LRRC4C: variants seen among roughly 807,000 people sequenced by gnomAD.
The protein encoded by LRRC4C is leucine rich repeat containing 4C, also known as leucine-rich repeat-containing protein 4C.
Under a neutral mutation model 33.6 loss-of-function variants are expected in LRRC4C, and 5 were observed. The observed-to-expected ratio is 0.15, with a 90% CI of 0.08 to 0.31. The LOEUF is 0.31. LRRC4C is among the 10% of genes least tolerant of loss of function. The pLI is 1.00. For missense variants in LRRC4C, 560 were observed against 796.7 expected, an observed-to-expected ratio of 0.70 and a Z score of 3.58; for synonymous variants, 329 against 302.0, an observed-to-expected ratio of 1.09 and a Z score of -0.93.
intron 3 of LRRC4C, among the ~76,000 whole-genome samples, chr11:40,424,004 A>G (rs564535090): frequency 2.7e-4 from 41 of 152,328 alleles, no homozygotes; most frequent in Non-Finnish European, 5.1e-4. Context: ...TATGGTATAC[A>G]TATATACCAA....
chr11:41,086,163 G>A (rs906230687), intron 1 of LRRC4C, among the ~76,000 whole-genome samples: 3 of 152,004 alleles, frequency 2.0e-5, no homozygotes, highest in African/African-American at 7.2e-5. Context: ...TAAAGCATGT[G>A]CTTCCACTAA....
intron 1 of LRRC4C, among the ~76,000 whole-genome samples, chr11:41,261,710 GTCTGA>G (rs1948988031): frequency 6.6e-6 from 1 of 152,100 alleles, no homozygotes; most frequent in Non-Finnish European, 1.5e-5. Flanking sequence ...TAGACATCTT[GTCTGA>G]GGGACACTGA....
chr11:41,084,083 C>A (rs1939778658), intron 1 of LRRC4C, among the ~76,000 whole-genome samples: 1 of 152,148 alleles, frequency 6.6e-6, no homozygotes. Flanking sequence ...GAGCTAATAC[C>A]TGTAGGGACT....
At chr11:40,771,372 C>T (rs1007791129) in intron 2 of LRRC4C, among the ~76,000 whole-genome samples, 1 of 152,176 alleles carries the variant, frequency 6.6e-6, no homozygotes, top group Non-Finnish European at 1.5e-5. Context: ...CTGCACAGAA[C>T]AGCAGAGGCC....
chr11:41,337,525 T>A (rs1015626654), intron 1 of LRRC4C, among the ~76,000 whole-genome samples: 1 of 152,098 alleles, frequency 6.6e-6, no homozygotes, highest in Non-Finnish European at 1.5e-5. Flanking sequence ...TTACACCTTA[T>A]AAAAATTAAC....
rs144903020 is a variant in LRRC4C at position 41,084,899 on chromosome 11, A to C, written c.-495-151176T>G. Among the ~76,000 whole-genome samples, 311 of 152,248 alleles carry C rather than the reference A, an allele frequency of 2.0e-3. 1 individual carries two copies. The highest frequency in any genetic ancestry group is 6.6e-3 in the African/African-American group (276 of 41,554). Reference sequence around the variant, plus strand: ...AAAAAAATTCCTTATCCTCTGTATTAATTGTAATTTAAGTGGTTGAAACTC... The same window carrying C: ...AAAAAAATTCCTTATCCTCTGTATTCATTGTAATTTAAGTGGTTGAAACTC... On this transcript the variant is annotated intron_variant, in intron 1 of 6. Transcript: ENST00000528697.
chr11:40,863,404 G>A (rs544963258), intron 2 of LRRC4C, among the ~76,000 whole-genome samples: 1 of 152,290 alleles, frequency 6.6e-6, no homozygotes, highest in Admixed American at 6.5e-5. Flanking sequence ...ACAGACATAT[G>A]TTTATTACTC....
At chr11:41,443,261 A>T (rs1433069521) in intron 1 of LRRC4C, among the ~76,000 whole-genome samples, 1 of 152,200 alleles carries the variant, frequency 6.6e-6, no homozygotes, top group African/African-American at 2.4e-5. Context: ...TAATCACAGC[A>T]GTTTGGCAGG....
chr11:40,252,126 G>A (rs1169792974), intron 4 of LRRC4C, among the ~76,000 whole-genome samples: 1 of 151,954 alleles, frequency 6.6e-6, no homozygotes, highest in East Asian at 1.9e-4. Flanking sequence ...TAATGATAGT[G>A]GCAACATTAC....
At chr11:40,359,798 C>T (rs529112013) in intron 3 of LRRC4C, among the ~76,000 whole-genome samples, 2 of 152,080 alleles carry the variant, frequency 1.3e-5, no homozygotes, top group East Asian at 3.9e-4. Flanking sequence ...CATTTTATGC[C>T]GTCTAAAAAT....
intron 2 of LRRC4C, among the ~76,000 whole-genome samples, chr11:40,817,843 A>T (rs575606035): frequency 6.6e-6 from 1 of 152,118 alleles, no homozygotes; most frequent in Admixed American, 6.6e-5. Context: ...TTATCATAAC[A>T]ATACTTATAA....
At chr11:41,289,471 T>C (rs930510557) in intron 1 of LRRC4C, among the ~76,000 whole-genome samples, 1 of 152,168 alleles carries the variant, frequency 6.6e-6, no homozygotes, top group African/African-American at 2.4e-5. Context: ...TAAGTAAGGT[T>C]AGAAATGAAA....
intron 1 of LRRC4C, among the ~76,000 whole-genome samples, chr11:40,992,323 G>C (rs905366500): frequency 6.6e-6 from 1 of 151,764 alleles, no homozygotes; most frequent in Non-Finnish European, 1.5e-5. Context: ...TGTTATTTAT[G>C]TTAAGATATA....
chr11:41,370,353 G>A (rs1269336044), intron 1 of LRRC4C, among the ~76,000 whole-genome samples: 3 of 152,058 alleles, frequency 2.0e-5, no homozygotes, highest in Non-Finnish European at 2.9e-5. Flanking sequence ...CCAGTGATAG[G>A]TTTGGCCCTC....
chr11:40,521,347 T>C (rs1351496206), intron 3 of LRRC4C, among the ~76,000 whole-genome samples: 1 of 152,158 alleles, frequency 6.6e-6, no homozygotes, highest in African/African-American at 2.4e-5. Flanking sequence ...GAATAGTGAG[T>C]AATAAGAAAG....
At chr11:41,185,801 G>A (rs1945668673) in intron 1 of LRRC4C, among the ~76,000 whole-genome samples, 1 of 151,510 alleles carries the variant, frequency 6.6e-6, no homozygotes, top group Non-Finnish European at 1.5e-5. Context: ...ATAGAAAAAA[G>A]TCACAAATTA....
chr11:40,792,687 C>A (rs61888009), intron 2 of LRRC4C, among the ~76,000 whole-genome samples: 2 of 151,964 alleles, frequency 1.3e-5, no homozygotes, highest in Non-Finnish European at 2.9e-5. Context: ...CACATGCACA[C>A]GTATGTTTAT....
At chr11:40,847,461 G>A (rs184427955) in intron 2 of LRRC4C, among the ~76,000 whole-genome samples, 321 of 152,236 alleles carry the variant, frequency 2.1e-3, no homozygotes, top group Non-Finnish European at 3.5e-3. Context: ...GTTGATCTGC[G>A]TATGTTGAAC....
chr11:41,107,364 G>T (rs902870265), intron 1 of LRRC4C, among the ~76,000 whole-genome samples: 9 of 151,908 alleles, frequency 5.9e-5, no homozygotes, highest in Non-Finnish European at 1.0e-4. Flanking sequence ...CTGTATTAGA[G>T]ATACATGTAG....
Sources: gnomAD v4.1 joint callset for allele counts (sites outside exome capture counted in the v4.1 genomes callset) on GRCh38, gnomAD v4.1.1 for gene constraint, MANE v1.5 for transcripts, NCBI Gene and HGNC (gene_info 2026-07-23, HGNC 2026-07-21) for gene names.